The following FBXO11 variants were observed in gnomAD, a reference collection of about 807,000 sequenced individuals.
FBXO11 encodes the protein F-box only protein 11.
In FBXO11, 13 loss-of-function variants were observed where a neutral mutation model predicts 117.0. The observed-to-expected ratio is 0.11, with a 90% CI of 0.07 to 0.18. The LOEUF (loss-of-function observed/expected upper bound fraction) is 0.18. Ranked by LOEUF, FBXO11 falls within the 10% of genes least tolerant of loss-of-function variation. The pLI is 1.00. For missense variants in FBXO11, 767 were observed against 1,164.4 expected, an observed-to-expected ratio of 0.66 and a Z score of 4.97; for synonymous variants, 490 against 380.5, an observed-to-expected ratio of 1.29 and a Z score of -3.35.
In FBXO11 at chr2:47,806,943, T is replaced by TTTAAAAATGACCA; in HGVS notation, c.*1162_*1174dup. The TTTAAAAATGACCA allele has an allele frequency of 9.4e-7, 1 of 1,063,756 alleles. No homozygotes were observed. Among genetic ancestry groups the TTTAAAAATGACCA allele is most frequent in the Non-Finnish European group, 1.4e-6 (1 of 699,904 alleles). The allele number at this position is 1,063,756 out of a possible 1,614,324, so 65.9% of individuals were successfully genotyped here. ...CATTATGATCTAATAAACTTTATTT[T>TTTAAAAATGACCA]TTAAAAATGACCATTTTTCCATTTT... On this transcript the variant is annotated 3_prime_UTR_variant, in exon 23 of 23. Transcript: ENST00000403359.
At chr2:47,895,173 A>T (rs939658848) in intron 1 of FBXO11, among the ~76,000 whole-genome samples, 1 of 152,184 alleles carries the variant, frequency 6.6e-6, no homozygotes, top group Non-Finnish European at 1.5e-5. Context: ...TCACATATGC[A>T]AAGAAAAAAA....
intron 11 of FBXO11, among the ~76,000 whole-genome samples, chr2:47,831,171 CTT>C (rs921281830): frequency 2.0e-5 from 3 of 151,456 alleles, no homozygotes; most frequent in African/African-American, 2.4e-5. Context: ...AATCCCAGGA[CTT>C]TGGGAGGCCG....
intron 4 of FBXO11, 74 bp from the exon 5 acceptor site, chr2:47,836,075 C>A: frequency 2.7e-6 from 3 of 1,126,180 alleles, no homozygotes; most frequent in Non-Finnish European, 2.5e-6. Context: ...ACAACTATAA[C>A]AATTATTTGA....
intron 1 of FBXO11, among the ~76,000 whole-genome samples, chr2:47,866,108 G>A (rs554136427): frequency 4.0e-5 from 6 of 151,800 alleles, no homozygotes; most frequent in African/African-American, 1.5e-4. Flanking sequence ...AATTGGCTGG[G>A]CATGGTGGCA....
At chr2:47,850,385 G>C (rs1018020779) in intron 1 of FBXO11, among the ~76,000 whole-genome samples, 11 of 149,292 alleles carry the variant, frequency 7.4e-5, no homozygotes, top group Admixed American at 6.0e-4. Flanking sequence ...GAGTCATTTG[G>C]GTTGGACATA....
intron 11 of FBXO11, among the ~76,000 whole-genome samples, chr2:47,825,728 C>T (rs1367478628): frequency 6.6e-6 from 1 of 152,054 alleles, no homozygotes; most frequent in Non-Finnish European, 1.5e-5. Context: ...GGGTGCATGG[C>T]ACCAAGCCTG....
At chr2:47,882,812 C>A (rs1483168271) in intron 1 of FBXO11, among the ~76,000 whole-genome samples, 1 of 152,104 alleles carries the variant, frequency 6.6e-6, no homozygotes, top group East Asian at 1.9e-4. Flanking sequence ...CCACCACACC[C>A]GGCTAATTTT....
chr2:47,824,003 T>A (rs1328676913), intron 11 of FBXO11, among the ~76,000 whole-genome samples: 1 of 152,156 alleles, frequency 6.6e-6, no homozygotes, highest in Non-Finnish European at 1.5e-5. Flanking sequence ...GCCTGGCTAA[T>A]GACTTAAATG....
chr2:47,844,777 G>A (rs1297430595), intron 1 of FBXO11, among the ~76,000 whole-genome samples: 1 of 152,036 alleles, frequency 6.6e-6, no homozygotes, highest in Non-Finnish European at 1.5e-5. Context: ...TCAGTTTACA[G>A]GTGTGCACGC....
intron 1 of FBXO11, among the ~76,000 whole-genome samples, chr2:47,893,363 T>C (rs983656611): frequency 2.6e-5 from 4 of 152,088 alleles, no homozygotes; most frequent in African/African-American, 4.8e-5. Flanking sequence ...CATATATATA[T>C]ATATACACAC....
intron 1 of FBXO11, among the ~76,000 whole-genome samples, chr2:47,900,657 CACACACGTACGTATAT>C (rs1282494156): frequency 0.045 from 4,306 of 95,438 alleles, 681 homozygotes; most frequent in East Asian, 0.2. Flanking sequence ...CACACGTATA[CACACACGTACGTATAT>C]ACACACGTAT....
chr2:47,839,395 T>A, intron 3 of FBXO11, 24 bp downstream of exon 3: 1 of 1,590,608 alleles, frequency 6.3e-7, no homozygotes, highest in Non-Finnish European at 8.5e-7. Flanking sequence ...TTTACCCTAT[T>A]TGTTACTTTC....
rs1048450280 is a variant in FBXO11 at position 47,836,471 on chromosome 2, T to A, written c.588-470A>T. Among the ~76,000 whole-genome samples the A allele has an allele frequency of 1.2e-4, 19 of 152,160 alleles. No homozygotes were observed. The Middle Eastern group carries it at 0.017, about 136-fold the overall frequency. ...GCAACCTCTGCCTCCTGGGCTCAAA[T>A]GATCCTCCCACCTCAGCCTCCCAAG... On this transcript the variant is annotated intron_variant, in intron 4 of 22. Coordinates refer to ENST00000403359, the MANE Select transcript of FBXO11 (RefSeq NM_001190274.2).
At chr2:47,867,762 T>A (rs1675306412) in intron 1 of FBXO11, among the ~76,000 whole-genome samples, 1 of 152,192 alleles carries the variant, frequency 6.6e-6, no homozygotes, top group Non-Finnish European at 1.5e-5. Context: ...TGCATATTGT[T>A]ATCTATGTAG....
chr2:47,899,737 C>G (rs1219582148), intron 1 of FBXO11, among the ~76,000 whole-genome samples: 1 of 152,076 alleles, frequency 6.6e-6, no homozygotes, highest in Non-Finnish European at 1.5e-5. Flanking sequence ...TACTATAATT[C>G]TGTGGAAGAT....
At chr2:47,823,879 C>T (rs1482393801) in intron 11 of FBXO11, among the ~76,000 whole-genome samples, 1 of 151,716 alleles carries the variant, frequency 6.6e-6, no homozygotes, top group Non-Finnish European at 1.5e-5. Context: ...CAAGGTCTCA[C>T]TCTGTTGTCC....
chr2:47,889,044 TTCAC>T (rs146711334), intron 1 of FBXO11, among the ~76,000 whole-genome samples: 2,257 of 152,318 alleles, frequency 0.015, 19 homozygotes, highest in South Asian at 0.023. Context: ...GAAACATTCA[TTCAC>T]TAAGTGTCTA....
intron 1 of FBXO11, among the ~76,000 whole-genome samples, chr2:47,900,563 T>C (rs1327426287): frequency 6.8e-6 from 1 of 146,118 alleles, no homozygotes; most frequent in African/African-American, 2.7e-5. Context: ...TACACGTATA[T>C]ATACACACGT....
rs1231636340 is a variant in FBXO11, at chr2:47,823,369, T to A, written c.1399-9A>T. Reference sequence around the variant, plus strand: ...CAACTTTCAAAGTAACCCTGAAAAATACAGAAATTAAATCTGTAGGTAAAG... The same window carrying A: ...CAACTTTCAAAGTAACCCTGAAAAAAACAGAAATTAAATCTGTAGGTAAAG... On this transcript the variant is annotated splice_polypyrimidine_tract_variant and intron_variant, in intron 11 of 22. Transcript: ENST00000403359. The A allele has an allele frequency of 6.3e-7, 1 of 1,577,576 alleles. No homozygotes were observed. Among genetic ancestry groups the A allele is most frequent in the African/African-American group, 1.4e-5 (1 of 73,806 alleles).
Sources: gnomAD v4.1 joint callset for allele counts (sites outside exome capture counted in the v4.1 genomes callset) on GRCh38, gnomAD v4.1.1 for gene constraint, MANE v1.5 for transcripts, NCBI Gene and HGNC (gene_info 2026-07-23, HGNC 2026-07-21) for gene names.